Variants in POLQ observed in about 807,000 individuals in gnomAD.
The protein encoded by POLQ is DNA polymerase theta, also known as epididymis secretory sperm binding protein.
Under a neutral mutation model 259.2 loss-of-function variants are expected in POLQ, and 233 were observed. The ratio of observed to expected loss-of-function variants is 0.90; its 90% CI spans 0.81 to 1.00. POLQ has a LOEUF of 1.00. Among genes scored for constraint, POLQ ranks in the 50% least tolerant of loss-of-function variants. The pLI, the probability that POLQ is intolerant of heterozygous loss-of-function variation, is 0.00. For synonymous variants in POLQ, 1,025 were observed against 1,048.8 expected (o/e 0.98, Z 0.44); for missense variants, 2,871 against 3,051.6 (o/e 0.94, Z 1.39).
chr3:121,522,753 AG>A (rs2048346499), intron 7 of POLQ, among the ~76,000 whole-genome samples: 1 of 152,210 alleles, frequency 6.6e-6, no homozygotes, highest in Non-Finnish European at 1.5e-5. Context: ...AAACTGTGTA[AG>A]GGTAAGACGA....
At chr3:121,544,287 A>C (rs2048512511) in intron 2 of POLQ, among the ~76,000 whole-genome samples, 1 of 152,140 alleles carries the variant, frequency 6.6e-6, no homozygotes, top group African/African-American at 2.4e-5. Context: ...TGGGAGGTGG[A>C]AGTTGCAGTA....
chr3:121,469,592 A>C (rs2047867043), intron 22 of POLQ, among the ~76,000 whole-genome samples: 1 of 152,204 alleles, frequency 6.6e-6, no homozygotes, highest in Non-Finnish European at 1.5e-5. Context: ...TTACAAAGCT[A>C]ACAAACAGCA....
chr3:121,537,948 A>G (rs1316416922), intron 4 of POLQ, among the ~76,000 whole-genome samples: 1 of 152,182 alleles, frequency 6.6e-6, no homozygotes, highest in Non-Finnish European at 1.5e-5. Flanking sequence ...AAGATGTTTC[A>G]GGTATTACAG....
At chr3:121,525,447 C>CT (rs2048366532) in intron 7 of POLQ, among the ~76,000 whole-genome samples, 2 of 151,918 alleles carry the variant, frequency 1.3e-5, no homozygotes, top group Non-Finnish European at 2.9e-5. Flanking sequence ...CTTGAGTAGG[C>CT]TGATGAAGGA....
chr3:121,451,392 C>T (rs149793446), intron 25 of POLQ, among the ~76,000 whole-genome samples: 1 of 152,348 alleles, frequency 6.6e-6, no homozygotes, highest in African/African-American at 2.4e-5. Context: ...AGCTTTTCTG[C>T]TCTGTTTTTT....
chr3:121,454,348 C>T (rs2047710605), intron 25 of POLQ, among the ~76,000 whole-genome samples: 1 of 152,182 alleles, frequency 6.6e-6, no homozygotes, highest in Non-Finnish European at 1.5e-5. Flanking sequence ...AACCAGTTAA[C>T]ATCATAATGA....
At chr3:121,502,218 TGTTA>T (rs1399834523) in intron 12 of POLQ, among the ~76,000 whole-genome samples, 1 of 152,166 alleles carries the variant, frequency 6.6e-6, no homozygotes, top group African/African-American at 2.4e-5. Flanking sequence ...TGGGTTTGTT[TGTTA>T]GTTTGTTTGA....
In POLQ at chr3:121,489,993, GTTC is replaced by G; in HGVS notation, c.2935_2937del (p.Glu979del). The G allele has an allele frequency of 6.3e-7, 1 of 1,581,346 alleles. No individual in the cohort carries two copies. On this transcript the variant is annotated inframe_deletion, in exon 16 of 30. Transcript: ENST00000264233. ...GCTCTGAAAATGGAACATGTCTGAT[GTTC>G]TTGATTCCCATTCTGGAAATTACAA...
rs199868295 is a variant in POLQ, at chr3:121,487,528, G to A, written c.5403C>T (p.Asp1801=). Reference sequence around the variant, plus strand: ...GTGATAACTGAAGTGAAAAGCTTGTGTCACTAATAGGGCTGTTGTCTTTGA... The same window carrying A: ...GTGATAACTGAAGTGAAAAGCTTGTATCACTAATAGGGCTGTTGTCTTTGA... The part of the protein sequence containing the change: ...NGFKDNSPIS[D]TSFSLQLSQD... Residue 1801 remains aspartate (D), a synonymous_variant, in exon 16 of 30, where the codon GAC becomes GAT. Transcript: ENST00000264233. The A allele has an allele frequency of 3.7e-6, 6 of 1,614,000 alleles. No individual in the cohort carries two copies. Among genetic ancestry groups the A allele is most frequent in the Admixed American group, 3.3e-5 (2 of 60,014 alleles).
chr3:121,501,661 CAAAAAAAAAAAAAAAA>C (rs60180456), intron 12 of POLQ, among the ~76,000 whole-genome samples: 7 of 39,914 alleles, frequency 1.8e-4, no homozygotes, highest in African/African-American at 5.6e-4. Context: ...GACTCCGTCT[CAAAAAAAAAAAAAAAA>C]AAAAAAAAAA....
intron 11 of POLQ, 131 bp downstream of exon 11, chr3:121,509,908 G>A (rs1042247998): frequency 5.7e-5 from 49 of 864,852 alleles, no homozygotes; most frequent in Admixed American, 3.3e-4. Flanking sequence ...CTAAAAATGA[G>A]TTGATACACT....
At position 121,510,303 on chromosome 3, in the gene POLQ, C is replaced by T. The variant is rs1053687264; in HGVS notation, c.1612-60G>A. 38 of 1,270,642 alleles carry T rather than the reference C, an allele frequency of 3.0e-5. 1 individual carries two copies. Among genetic ancestry groups the T allele is most frequent in the Middle Eastern group, 1.9e-4 (1 of 5,326 alleles). 78.7% of individuals were successfully genotyped at this position (1,270,642 alleles called of 1,614,324 possible). ...TTAAGAAAACATGCAAGCCACCGGG[C>T]GCGGTGGCTCATGCCTGTAATCCCA... is the stretch of plus-strand genomic sequence containing the variant. On this transcript the variant is annotated intron_variant, in intron 10 of 29. Transcript: ENST00000264233.
Position 121,543,397 on chromosome 3 carries a change from G to A in POLQ, c.343+1330C>T, listed in dbSNP as rs146841064. ...AATTTAATCAACTCTAAGTACTACC[G>A]AGGCACACATACTCACAAACACATA... On this transcript the variant is annotated intron_variant, in intron 2 of 29. Transcript: ENST00000264233. 4.9e-4 allele frequency among the ~76,000 whole-genome samples: 74 copies of A among 152,248 alleles called. No individual in the cohort carries two copies. In the East Asian group the frequency reaches 0.013, roughly 26 times the overall value.
chr3:121,493,820 C>A, intron 14 of POLQ, 99 bp from the exon 15 acceptor site: 4 of 1,161,292 alleles, frequency 3.4e-6, no homozygotes, highest in Non-Finnish European at 2.4e-6. Context: ...TTTTTCCCTG[C>A]AAAATTGTAA....
intron 24 of POLQ, among the ~76,000 whole-genome samples, chr3:121,465,330 G>A (rs996299611): frequency 4.6e-5 from 7 of 152,060 alleles, no homozygotes; most frequent in African/African-American, 1.4e-4. Context: ...GGACTCAAGC[G>A]ATCTTCCTGC....
chr3:121,517,545 T>G (rs992238215), intron 9 of POLQ, among the ~76,000 whole-genome samples: 1 of 152,170 alleles, frequency 6.6e-6, no homozygotes, highest in Non-Finnish European at 1.5e-5. Context: ...AGCTAAAGAT[T>G]ATATTTCCCA....
chr3:121,531,454 G>A (rs2048411296), intron 6 of POLQ, among the ~76,000 whole-genome samples: 1 of 152,038 alleles, frequency 6.6e-6, no homozygotes, highest in South Asian at 2.1e-4. Context: ...AAGTGAGAGG[G>A]AACATAGTAG....
At chr3:121,484,972 T>A in intron 17 of POLQ, 69 bp downstream of exon 17, 1 of 1,159,424 alleles carries the variant, frequency 8.6e-7, no homozygotes. Context: ...ATTCTCAAAA[T>A]ATAAGATCAC....
At chr3:121,435,028 GT>G (rs1560082421) in intron 28 of POLQ, among the ~76,000 whole-genome samples, 2 of 152,078 alleles carry the variant, frequency 1.3e-5, no homozygotes, top group Non-Finnish European at 2.9e-5. Flanking sequence ...GCCAGGCATG[GT>G]GGCACACTCC....
Sources: allele counts gnomAD v4.1 joint callset (sites outside exome capture counted in the v4.1 genomes callset), GRCh38; gene constraint gnomAD v4.1.1; transcripts MANE v1.5; gene names NCBI Gene and HGNC (gene_info 2026-07-23, HGNC 2026-07-21).